CSMD1: variants seen among roughly 807,000 people sequenced by gnomAD.
CSMD1 encodes the protein CUB and sushi domain-containing protein 1.
In CSMD1, 213 loss-of-function variants were observed where a neutral mutation model predicts 417.5. The ratio of observed to expected loss-of-function variants is 0.51; its 90% CI spans 0.46 to 0.57. The LOEUF (loss-of-function observed/expected upper bound fraction) is 0.57, where lower values mean the gene tolerates loss of function less well. CSMD1 is among the 20% of genes least tolerant of loss of function. The pLI, the probability that CSMD1 is intolerant of heterozygous loss-of-function variation, is 0.00. For missense variants in CSMD1, 6,923 were observed against 4,529.7 expected (o/e 1.53, Z -15.17); for synonymous variants, 2,862 against 1,736.8 (o/e 1.65, Z -16.11).
chr8:3,544,335 T>G (rs1173229597), intron 10 of CSMD1, among the ~76,000 whole-genome samples: 1 of 152,150 alleles, frequency 6.6e-6, no homozygotes, highest in Non-Finnish European at 1.5e-5. Flanking sequence ...ATTCAGAAAA[T>G]TAATCCTTTA....
rs150220685 is a variant in CSMD1, at chr8:4,812,130, C to A, written c.86-174572G>T. Among the ~76,000 whole-genome samples, 201 of 152,270 alleles carry A rather than the reference C, an allele frequency of 1.3e-3. 5 individuals are homozygous for A. The East Asian group carries it at 0.036, about 27-fold the overall frequency. On this transcript the variant is annotated intron_variant, in intron 1 of 69. Transcript: ENST00000635120. The stretch of plus-strand genomic sequence containing the variant: ...GGAGTCTCAGGAATGAGAACACAAC[C>A]AATTATGCCCTTCTGTGAAGCTCAC...
intron 12 of CSMD1, among the ~76,000 whole-genome samples, chr8:3,427,260 C>A (rs1200897260): frequency 6.6e-5 from 10 of 152,078 alleles, no homozygotes; most frequent in Admixed American, 6.6e-4. Flanking sequence ...ATTTTCAAGG[C>A]CAGCCTACTT....
At chr8:4,000,100 GC>G (rs747665333) in intron 4 of CSMD1, among the ~76,000 whole-genome samples, 1 of 152,196 alleles carries the variant, frequency 6.6e-6, no homozygotes, top group East Asian at 1.9e-4. Context: ...TGTCTGTCCT[GC>G]CCCCCGCCCT....
chr8:3,477,399 A>G (rs1817494154), intron 11 of CSMD1, among the ~76,000 whole-genome samples: 1 of 152,218 alleles, frequency 6.6e-6, no homozygotes, highest in Non-Finnish European at 1.5e-5. Flanking sequence ...GAATGGCATA[A>G]ATTGTTCAGA....
rs541228277 is a variant in CSMD1, at chr8:3,356,252, G to A, written c.3304+2900C>T. On this transcript the variant is annotated intron_variant, in intron 21 of 69. Transcript: ENST00000635120. The stretch of plus-strand genomic sequence containing the variant: ...AGAGAAAGGAACATGAAGCATGGAT[G>A]AATCAAATTTTTGAGATGAAAAGAG... 5.3e-5 allele frequency among the ~76,000 whole-genome samples: 8 copies of A among 152,336 alleles called. No individual in the cohort carries two copies. In the South Asian group the frequency reaches 1.7e-3, roughly 32 times the overall value.
chr8:4,661,519 A>G (rs1804606418), intron 1 of CSMD1, among the ~76,000 whole-genome samples: 1 of 152,200 alleles, frequency 6.6e-6, no homozygotes, highest in Admixed American at 6.5e-5. Context: ...GTGACTCTAC[A>G]TGAGAATAGG....
chr8:4,252,904 C>A (rs1025425996), intron 3 of CSMD1, among the ~76,000 whole-genome samples: 1 of 152,148 alleles, frequency 6.6e-6, no homozygotes, highest in African/African-American at 2.4e-5. Flanking sequence ...TGTTCATGAC[C>A]AACTTAAGTG....
At chr8:4,659,538 A>G (rs537831851) in intron 1 of CSMD1, among the ~76,000 whole-genome samples, 1 of 152,284 alleles carries the variant, frequency 6.6e-6, no homozygotes, top group Non-Finnish European at 1.5e-5. Context: ...CCAGGCACAA[A>G]ATGTCACAGA....
At position 3,484,175 on chromosome 8, in the gene CSMD1, T is replaced by C. The variant is rs1817896144; in HGVS notation, c.1448+9448A>G. 2.0e-5 allele frequency among the ~76,000 whole-genome samples: 3 copies of C among 152,230 alleles called. No individual in the cohort carries two copies. The South Asian group carries it at 6.2e-4, about 31-fold the overall frequency. On this transcript the variant is annotated intron_variant, in intron 11 of 69. Coordinates refer to ENST00000635120, the MANE Select transcript of CSMD1 (RefSeq NM_033225.6). ...AAGTGAGAAACATCACTCCGCCTGA[T>C]ATTAACATTTACTAAACAGTTATAG...
At chr8:4,100,631 TA>T (rs1801257387) in intron 3 of CSMD1, among the ~76,000 whole-genome samples, 1 of 152,084 alleles carries the variant, frequency 6.6e-6, no homozygotes, top group African/African-American at 2.4e-5. Flanking sequence ...ATAATGGGGA[TA>T]AGTATGTCCA....
At chr8:3,606,298 C>A (rs1040975222) in intron 8 of CSMD1, among the ~76,000 whole-genome samples, 1 of 152,116 alleles carries the variant, frequency 6.6e-6, no homozygotes, top group African/African-American at 2.4e-5. Flanking sequence ...CTTACACCCA[C>A]CCAGATGGTG....
At chr8:4,850,874 T>A (rs757657578) in intron 1 of CSMD1, among the ~76,000 whole-genome samples, 24 of 152,154 alleles carry the variant, frequency 1.6e-4, no homozygotes, top group Non-Finnish European at 2.9e-4. Context: ...TCATGTCACA[T>A]GAACCTTTAT....
At chr8:3,509,995 T>C (rs928650946) in intron 10 of CSMD1, among the ~76,000 whole-genome samples, 1 of 152,260 alleles carries the variant, frequency 6.6e-6, no homozygotes, top group African/African-American at 2.4e-5. Flanking sequence ...TGCAAATGCA[T>C]CTCTCCAATT....
At chr8:4,510,080 G>A (rs1008967123) in intron 2 of CSMD1, among the ~76,000 whole-genome samples, 1 of 151,980 alleles carries the variant, frequency 6.6e-6, no homozygotes, top group African/African-American at 2.4e-5. Flanking sequence ...CTATTAACTT[G>A]ATAGTGAATA....
At chr8:3,499,869 G>A (rs986012697) in intron 10 of CSMD1, among the ~76,000 whole-genome samples, 5 of 152,100 alleles carry the variant, frequency 3.3e-5, no homozygotes, top group South Asian at 2.1e-4. Flanking sequence ...TCCTGAAAAT[G>A]GCACCATGCT....
intron 1 of CSMD1, among the ~76,000 whole-genome samples, chr8:4,807,101 C>T: frequency 6.6e-6 from 1 of 152,132 alleles, no homozygotes; most frequent in East Asian, 1.9e-4. Flanking sequence ...CAGACTAATA[C>T]ATTCTCATAG....
chr8:4,254,296 C>T (rs1803290556), intron 3 of CSMD1, among the ~76,000 whole-genome samples: 1 of 152,102 alleles, frequency 6.6e-6, no homozygotes. Context: ...CCTAAAAACA[C>T]AGAATCAGGA....
chr8:4,877,953 A>C (rs1212612431), intron 1 of CSMD1, among the ~76,000 whole-genome samples: 2 of 152,100 alleles, frequency 1.3e-5, no homozygotes, highest in African/African-American at 4.8e-5. Flanking sequence ...ACAGAGACAC[A>C]CTATAATCCA....
At chr8:3,707,102 C>G (rs1801213353) in intron 7 of CSMD1, among the ~76,000 whole-genome samples, 1 of 152,120 alleles carries the variant, frequency 6.6e-6, no homozygotes, top group Admixed American at 6.5e-5. Flanking sequence ...CCTCTCTGTC[C>G]TCTCAACCTG....
Sources: gnomAD v4.1 joint callset for allele counts (sites outside exome capture counted in the v4.1 genomes callset) on GRCh38, gnomAD v4.1.1 for gene constraint, MANE v1.5 for transcripts, NCBI Gene and HGNC (gene_info 2026-07-23, HGNC 2026-07-21) for gene names.